STRN: variants seen among roughly 807,000 people sequenced by gnomAD.
The protein encoded by STRN is striatin, also known as protein phosphatase 2 regulatory subunit B'''alpha.
STRN carries 53 observed loss-of-function variants against 96.3 expected under a neutral mutation model. That is an observed-to-expected ratio of 0.55 (90% confidence interval 0.44 to 0.69). The LOEUF (loss-of-function observed/expected upper bound fraction) is 0.69, where lower values mean the gene tolerates loss of function less well. STRN is among the 30% of genes least tolerant of loss of function. The pLI is 0.00. For missense variants in STRN, 987 were observed against 963.9 expected, an observed-to-expected ratio of 1.02 and a Z score of -0.32; for synonymous variants, 428 against 355.9, an observed-to-expected ratio of 1.20 and a Z score of -2.28.
At chr2:36,928,613 C>G (rs1473178226) in intron 1 of STRN, among the ~76,000 whole-genome samples, 1 of 148,338 alleles carries the variant, frequency 6.7e-6, no homozygotes, top group Non-Finnish European at 1.5e-5. Context: ...GATCACACCA[C>G]TGCACTCCAG....
intron 13 of STRN, among the ~76,000 whole-genome samples, chr2:36,860,088 A>T (rs1440963431): frequency 6.6e-6 from 1 of 152,202 alleles, no homozygotes; most frequent in Admixed American, 6.5e-5. Flanking sequence ...AATGGAAGAT[A>T]CCCGAATTTA....
Position 36,934,111 on chromosome 2 carries a change from A to G in STRN, c.235-8903T>C, listed in dbSNP as rs147904578. Among the ~76,000 whole-genome samples the G allele has an allele frequency of 8.2e-3, 1,253 of 152,178 alleles. 14 individuals carry two copies. The highest frequency in any genetic ancestry group is 0.029 in the African/African-American group (1,185 of 41,524). ...GTGACAGAGGGAGACTCCGTCTCGA[A>G]AGAAAAAAGAAAAAAAACTAAATCT... is the stretch of plus-strand genomic sequence containing the variant. On this transcript the variant is annotated intron_variant, in intron 1 of 17. Coordinates refer to ENST00000263918, the MANE Select transcript of STRN (RefSeq NM_003162.4).
At chr2:36,947,889 A>G (rs1009973238) in intron 1 of STRN, among the ~76,000 whole-genome samples, 14 of 151,804 alleles carry the variant, frequency 9.2e-5, no homozygotes, top group Non-Finnish European at 1.8e-4. Context: ...ATTTATTTGC[A>G]TTCTGCTTAT....
chr2:36,961,701 G>T (rs543582659), intron 1 of STRN, among the ~76,000 whole-genome samples: 8 of 152,212 alleles, frequency 5.3e-5, no homozygotes, highest in African/African-American at 1.9e-4. Context: ...CCCTTTTAAA[G>T]ATGGTGTCAC....
chr2:36,853,510 C>T (rs772791486), intron 15 of STRN, among the ~76,000 whole-genome samples: 5 of 152,208 alleles, frequency 3.3e-5, no homozygotes, highest in Admixed American at 6.5e-5. Flanking sequence ...TTTAAGGAAG[C>T]TTCTCCACTT....
intron 1 of STRN, among the ~76,000 whole-genome samples, chr2:36,951,596 T>A (rs72785099): frequency 6.6e-6 from 1 of 152,206 alleles, no homozygotes; most frequent in African/African-American, 2.4e-5. Context: ...ACAGACAAGA[T>A]ATACATATAT....
At chr2:36,859,585 A>G (rs867822110) in intron 13 of STRN, among the ~76,000 whole-genome samples, 1 of 152,256 alleles carries the variant, frequency 6.6e-6, no homozygotes, top group Non-Finnish European at 1.5e-5. Flanking sequence ...TGAAGCTTAA[A>G]GATGTATGAG....
intron 3 of STRN, among the ~76,000 whole-genome samples, chr2:36,912,694 T>C (rs1053535311): frequency 6.6e-6 from 1 of 152,218 alleles, no homozygotes; most frequent in African/African-American, 2.4e-5. Flanking sequence ...CAGTACCATA[T>C]GTTGATGCCT....
At chr2:36,943,659 C>T (rs1405529425) in intron 1 of STRN, among the ~76,000 whole-genome samples, 1 of 151,992 alleles carries the variant, frequency 6.6e-6, no homozygotes, top group African/African-American at 2.4e-5. Context: ...AAAAAATTAG[C>T]TGGGCGTGGT....
chr2:36,948,933 G>A (rs1161347743), intron 1 of STRN, among the ~76,000 whole-genome samples: 1 of 152,188 alleles, frequency 6.6e-6, no homozygotes, highest in Non-Finnish European at 1.5e-5. Flanking sequence ...TATGATTTAT[G>A]TACAAAGCAA....
At chr2:36,936,276 T>C (rs1023664222) in intron 1 of STRN, among the ~76,000 whole-genome samples, 2 of 152,188 alleles carry the variant, frequency 1.3e-5, no homozygotes, top group African/African-American at 4.8e-5. Flanking sequence ...GAAGATGTAA[T>C]TACTGTAGTA....
chr2:36,927,528 G>C (rs959838796), intron 1 of STRN, among the ~76,000 whole-genome samples: 43 of 145,996 alleles, frequency 2.9e-4, no homozygotes, highest in African/African-American at 8.8e-4. Flanking sequence ...AAAAAAAGGG[G>C]GGGGGGGGTG....
intron 2 of STRN, among the ~76,000 whole-genome samples, chr2:36,924,032 C>T (rs1313394962): frequency 2.0e-5 from 3 of 151,848 alleles, no homozygotes; most frequent in Admixed American, 6.6e-5. Flanking sequence ...GAGATTGTAA[C>T]GGCAGACAGC....
chr2:36,953,006 C>A (rs1664798712), intron 1 of STRN, among the ~76,000 whole-genome samples: 1 of 152,220 alleles, frequency 6.6e-6, no homozygotes, highest in Non-Finnish European at 1.5e-5. Context: ...ACTGGCATCA[C>A]CGTTGTGGAA....
chr2:36,925,173 G>A lies in STRN; in HGVS notation c.270C>T (p.Gly90=). 6.2e-7 allele frequency: 1 copy of A among 1,613,672 alleles called. No individual in the cohort carries two copies. The highest frequency in any genetic ancestry group is 8.5e-7 in the Non-Finnish European group (1 of 1,179,798). Residue 90 remains glycine (G), a synonymous_variant, in exon 2 of 18, where the codon GGC becomes GGT. Coordinates refer to ENST00000263918, the MANE Select transcript of STRN (RefSeq NM_003162.4). ...CAAGATCCTTCTTCAAATTTTCTTGGCCCTTCCTTTCTCCCTGCAGGAAGG... is the reference window on the plus strand; with the variant it reads ...CAAGATCCTTCTTCAAATTTTCTTGACCCTTCCTTTCTCCCTGCAGGAAGG... ...QIAFLQGERK[G]QENLKKDLVR...
In STRN at chr2:36,845,919, A is replaced by ACACACACACACACACACACGCATGCACG. The variant is rs1558617238; in HGVS notation, c.*3536_*3537insCGTGCATGCGTGTGTGTGTGTGTGTGTG. ...CACACACACACACGCATGCATGCAC[A>ACACACACACACACACACACGCATGCACG]CACACACACACACACACACACACAC... On this transcript the variant is annotated 3_prime_UTR_variant, in exon 18 of 18. Transcript: ENST00000263918. The ACACACACACACACACACACGCATGCACG allele has an allele frequency of 2.2e-4, 6 of 27,560 alleles. 1 individual carries two copies. Among genetic ancestry groups the ACACACACACACACACACACGCATGCACG allele is most frequent in the African/African-American group, 5.2e-4 (6 of 11,582 alleles). The allele number at this position is 27,560 out of a possible 1,614,324, so 1.7% of individuals were successfully genotyped here. A position where few individuals can be genotyped will look rare whatever the true frequency, so the allele number is the denominator to read the frequency against.
intron 1 of STRN, among the ~76,000 whole-genome samples, chr2:36,952,080 A>C (rs1664767842): frequency 6.6e-6 from 1 of 152,216 alleles, no homozygotes; most frequent in African/African-American, 2.4e-5. Flanking sequence ...ATTGTGGCTT[A>C]TTCAAGAATG....
chr2:36,965,380 T>A (rs1665133324), intron 1 of STRN, among the ~76,000 whole-genome samples: 1 of 152,244 alleles, frequency 6.6e-6, no homozygotes. Context: ...ACTTTCATTC[T>A]TTTCAGAGCC....
chr2:36,911,956 A>G (rs1558649627), intron 3 of STRN, among the ~76,000 whole-genome samples: 2 of 152,290 alleles, frequency 1.3e-5, no homozygotes, highest in East Asian at 3.9e-4. Flanking sequence ...TTTCTTAAAC[A>G]TCTGACCCAC....
Sources: allele counts gnomAD v4.1 joint callset (sites outside exome capture counted in the v4.1 genomes callset), GRCh38; gene constraint gnomAD v4.1.1; transcripts MANE v1.5; gene names NCBI Gene and HGNC (gene_info 2026-07-23, HGNC 2026-07-21).